The following CNTN5 variants were observed in gnomAD, a reference collection of about 807,000 sequenced individuals.
CNTN5 encodes contactin 5.
CNTN5 carries 77 observed loss-of-function variants against 129.1 expected under a neutral mutation model. The observed-to-expected ratio is 0.60, with a 90% confidence interval of 0.50 to 0.72. The LOEUF (loss-of-function observed/expected upper bound fraction) is 0.72, where lower values mean the gene tolerates loss of function less well. Ranked by LOEUF, CNTN5 falls within the 30% of genes least tolerant of loss-of-function variation. CNTN5 has a pLI of 0.00. For synonymous variants in CNTN5, 509 were observed against 465.6 expected, an observed-to-expected ratio of 1.09 and a Z score of -1.20; for missense variants, 1,478 against 1,328.8, an observed-to-expected ratio of 1.11 and a Z score of -1.75.
intron 1 of CNTN5, among the ~76,000 whole-genome samples, chr11:99,035,250 A>T (rs1464035408): frequency 6.7e-6 from 1 of 148,984 alleles, no homozygotes; most frequent in African/African-American, 2.5e-5. Context: ...TATTCTGTTG[A>T]TTTGGGGTGG....
At chr11:99,530,148 T>A (rs1398210770) in intron 2 of CNTN5, among the ~76,000 whole-genome samples, 1 of 152,182 alleles carries the variant, frequency 6.6e-6, no homozygotes, top group Non-Finnish European at 1.5e-5. Flanking sequence ...TAAAATTGTA[T>A]ATTATTTTTC....
At chr11:99,526,511 C>A (rs1168866548) in intron 2 of CNTN5, among the ~76,000 whole-genome samples, 1 of 152,096 alleles carries the variant, frequency 6.6e-6, no homozygotes, top group Admixed American at 6.5e-5. Context: ...TTTTGTATTC[C>A]TTGTGGCTTC....
chr11:99,264,665 C>G (rs760791103), intron 1 of CNTN5, among the ~76,000 whole-genome samples: 1 of 152,032 alleles, frequency 6.6e-6, no homozygotes, highest in Non-Finnish European at 1.5e-5. Context: ...AATTTTCAAG[C>G]AATGTATGCC....
intron 8 of CNTN5, among the ~76,000 whole-genome samples, chr11:99,986,086 T>A (rs1054126044): frequency 2.0e-5 from 3 of 152,208 alleles, no homozygotes; most frequent in Non-Finnish European, 4.4e-5. Flanking sequence ...TTTGGCCCCT[T>A]CAGACCTCTC....
chr11:100,255,835 C>A lies in CNTN5; in HGVS notation c.2081C>A (p.Ala694Glu), dbSNP rs1591441795. 1 of 1,613,914 alleles carries A rather than the reference C, an allele frequency of 6.2e-7. No individual in the cohort carries two copies. Among genetic ancestry groups the A allele is most frequent in the Non-Finnish European group, 8.5e-7 (1 of 1,179,874 alleles). ...ACGGCCACACTGTCCTGGAGCCCAG[C>A]AGCTGACAACCACAGCCCAATCTCC... ...ESTATLSWSP[A>E]ADNHSPISSY... Residue 694 changes from alanine to glutamate, a missense_variant, in exon 17 of 25, where the codon GCA (alanine) becomes GAA (glutamate). Coordinates refer to ENST00000524871, the MANE Select transcript of CNTN5 (RefSeq NM_014361.4).
chr11:99,725,374 G>A (rs1943302957), intron 3 of CNTN5, among the ~76,000 whole-genome samples: 1 of 151,798 alleles, frequency 6.6e-6, no homozygotes, highest in Admixed American at 6.6e-5. Context: ...TCTCTATGAA[G>A]ATACTATTTT....
intron 21 of CNTN5, among the ~76,000 whole-genome samples, chr11:100,329,167 C>T (rs1951850880): frequency 6.6e-6 from 1 of 152,142 alleles, no homozygotes. Flanking sequence ...GTTTTCCCTA[C>T]TTCCCTGGTG....
rs1865899974 is a variant in CNTN5, at chr11:99,083,853, C to T, written c.-210+62583C>T. 2.0e-5 allele frequency among the ~76,000 whole-genome samples: 3 copies of T among 152,110 alleles called. No individual in the cohort carries two copies. The South Asian group carries it at 6.2e-4, about 31-fold the overall frequency. On this transcript the variant is annotated intron_variant, in intron 1 of 24. Transcript: ENST00000524871. The stretch of plus-strand genomic sequence containing the variant: ...GAGCACCGCACCAGGCCCTTGAGGC[C>T]TCATCACTGTATTCTGCAAATGGCC...
At chr11:99,779,363 AT>A (rs1565521193) in intron 3 of CNTN5, among the ~76,000 whole-genome samples, 1 of 152,000 alleles carries the variant, frequency 6.6e-6, no homozygotes, top group African/African-American at 2.4e-5. Context: ...CAAAGTAGTT[AT>A]AAAATTTGAC....
At chr11:99,170,162 C>T (rs10790502) in intron 1 of CNTN5, among the ~76,000 whole-genome samples, 102,105 of 151,858 alleles carry the variant, frequency 0.67, 34,704 homozygotes, top group East Asian at 0.94. Context: ...ATATGGCTTA[C>T]GTTTATATAG....
chr11:99,924,863 T>C (rs1950025563), intron 7 of CNTN5, among the ~76,000 whole-genome samples: 1 of 152,172 alleles, frequency 6.6e-6, no homozygotes, highest in African/African-American at 2.4e-5. Context: ...GATTAATGAA[T>C]CTGTTCATTC....
chr11:99,758,581 G>C (rs1042146021), intron 3 of CNTN5, among the ~76,000 whole-genome samples: 1 of 151,956 alleles, frequency 6.6e-6, no homozygotes, highest in African/African-American at 2.4e-5. Context: ...AATTTTCATA[G>C]AATGTGATAA....
At chr11:100,070,335 A>G in intron 10 of CNTN5, 89 bp from the exon 11 acceptor site, 1 of 1,358,850 alleles carries the variant, frequency 7.4e-7, no homozygotes, top group Non-Finnish European at 1.0e-6. Context: ...CTTTTAAAAA[A>G]ATACGTTGAA....
intron 3 of CNTN5, among the ~76,000 whole-genome samples, chr11:99,587,054 G>A (rs933559587): frequency 2.0e-5 from 3 of 152,116 alleles, no homozygotes; most frequent in African/African-American, 7.2e-5. Flanking sequence ...TGCGAGTGAG[G>A]ATCAGTTAAC....
intron 3 of CNTN5, among the ~76,000 whole-genome samples, chr11:99,624,940 C>G (rs1951076748): frequency 6.6e-6 from 1 of 152,134 alleles, no homozygotes; most frequent in Non-Finnish European, 1.5e-5. Flanking sequence ...GTGCTGACAC[C>G]ATGGTGTTTG....
At chr11:99,115,333 A>C (rs1857991276) in intron 1 of CNTN5, among the ~76,000 whole-genome samples, 1 of 152,344 alleles carries the variant, frequency 6.6e-6, no homozygotes, top group South Asian at 2.1e-4. Context: ...ATCTTTTAGA[A>C]GGAAAAATTA....
At chr11:99,717,385 A>G (rs1352257850) in intron 3 of CNTN5, among the ~76,000 whole-genome samples, 5 of 152,102 alleles carry the variant, frequency 3.3e-5, no homozygotes, top group Admixed American at 3.3e-4. Flanking sequence ...GTACCTGCTT[A>G]TAGAAAGAAA....
intron 15 of CNTN5, among the ~76,000 whole-genome samples, chr11:100,222,160 G>A (rs1273479534): frequency 1.3e-5 from 2 of 152,138 alleles, no homozygotes; most frequent in Non-Finnish European, 2.9e-5. Flanking sequence ...GAATCTAAAA[G>A]AGAAGAATTG....
intron 13 of CNTN5, among the ~76,000 whole-genome samples, chr11:100,133,864 T>A (rs1946449594): frequency 6.6e-6 from 1 of 152,168 alleles, no homozygotes; most frequent in Non-Finnish European, 1.5e-5. Context: ...GTATCTAATT[T>A]CAAAGATGGT....
Sources: gnomAD v4.1 joint callset for allele counts (sites outside exome capture counted in the v4.1 genomes callset) on GRCh38, gnomAD v4.1.1 for gene constraint, MANE v1.5 for transcripts, NCBI Gene and HGNC (gene_info 2026-07-23, HGNC 2026-07-21) for gene names.